Variants in GALNT13 observed in about 807,000 individuals in gnomAD.
The protein encoded by GALNT13 is polypeptide N-acetylgalactosaminyltransferase 13, also known as UDP-GalNAc:polypeptide N-acetylgalactosaminyltransferase 13.
GALNT13 carries 28 observed loss-of-function variants against 64.2 expected under a neutral mutation model. That is an observed-to-expected ratio of 0.44 (90% CI 0.32 to 0.60). The LOEUF (loss-of-function observed/expected upper bound fraction) is 0.60. Ranked by LOEUF, GALNT13 falls within the 20% of genes least tolerant of loss-of-function variation. The pLI, the probability that GALNT13 is intolerant of heterozygous loss-of-function variation, is 0.05. For synonymous variants in GALNT13, 214 were observed against 224.6 expected (o/e 0.95, Z 0.42); for missense variants, 577 against 669.8 (o/e 0.86, Z 1.53).
At chr2:154,042,748 A>G (rs1180269275) in intron 3 of GALNT13, among the ~76,000 whole-genome samples, 2 of 149,388 alleles carry the variant, frequency 1.3e-5, no homozygotes, top group Non-Finnish European at 3.0e-5. Context: ...TATTTATTGA[A>G]TAAATGAATG....
At chr2:154,110,170 A>G (rs1175593510) in intron 3 of GALNT13, among the ~76,000 whole-genome samples, 1 of 150,298 alleles carries the variant, frequency 6.7e-6, no homozygotes, top group Non-Finnish European at 1.5e-5. Flanking sequence ...GTATGTCTTC[A>G]TGATTTTGTC....
chr2:153,628,413 T>C, the GALNT13 span, among the ~76,000 whole-genome samples: 1 of 152,144 alleles, frequency 6.6e-6, no homozygotes. Flanking sequence ...AGGGCATCCC[T>C]GTCTTGTGCC....
chr2:154,387,006 T>C (rs1272175921), intron 9 of GALNT13, among the ~76,000 whole-genome samples: 1 of 152,134 alleles, frequency 6.6e-6, no homozygotes, highest in Non-Finnish European at 1.5e-5. Flanking sequence ...TAAAATTCAT[T>C]ATCTCATTTT....
the GALNT13 span, among the ~76,000 whole-genome samples, chr2:153,665,177 T>C: frequency 6.6e-6 from 1 of 152,212 alleles, no homozygotes; most frequent in African/African-American, 2.4e-5. Flanking sequence ...AGGAGAAGAA[T>C]GTCTAGAATG....
At chr2:153,224,337 G>C in the GALNT13 span, among the ~76,000 whole-genome samples, 5 of 152,088 alleles carry the variant, frequency 3.3e-5, no homozygotes, top group African/African-American at 7.2e-5. Context: ...AGGGGGGAAG[G>C]GGGTGGGGAG....
intron 11 of GALNT13, among the ~76,000 whole-genome samples, chr2:154,411,452 C>T (rs1028749404): frequency 4.6e-5 from 7 of 151,486 alleles, no homozygotes; most frequent in African/African-American, 9.7e-5. Flanking sequence ...GCATGGTATA[C>T]GCACAGTATA....
At chr2:153,608,291 A>T in the GALNT13 span, among the ~76,000 whole-genome samples, 2 of 152,180 alleles carry the variant, frequency 1.3e-5, no homozygotes, top group Non-Finnish European at 2.9e-5. Context: ...GCTTAATATA[A>T]ATCGTGAGGA....
the GALNT13 span, among the ~76,000 whole-genome samples, chr2:153,272,019 T>G: frequency 0.83 from 126,441 of 152,114 alleles, 53,802 homozygotes; most frequent in African/African-American, 0.93. Context: ...AATGGGAAAA[T>G]GATTCCCTAT....
At chr2:154,161,560 C>A (rs1684723565) in intron 4 of GALNT13, among the ~76,000 whole-genome samples, 1 of 152,076 alleles carries the variant, frequency 6.6e-6, no homozygotes, top group Admixed American at 6.6e-5. Flanking sequence ...ATGAGAGTAG[C>A]ATCGGAGAGT....
chr2:153,720,968 A>G, the GALNT13 span, among the ~76,000 whole-genome samples: 47 of 152,260 alleles, frequency 3.1e-4, no homozygotes, highest in African/African-American at 9.1e-4. Context: ...GAACGCCACA[A>G]AGATACTCCT....
the GALNT13 span, among the ~76,000 whole-genome samples, chr2:153,505,413 T>C: frequency 2.0e-5 from 3 of 152,068 alleles, no homozygotes; most frequent in Non-Finnish European, 4.4e-5. Context: ...TTTTCTTCTG[T>C]TGGGTTTGGG....
the GALNT13 span, among the ~76,000 whole-genome samples, chr2:153,432,737 G>A: frequency 0.016 from 2,358 of 151,418 alleles, 68 homozygotes; most frequent in African/African-American, 0.054. Flanking sequence ...GTGGTTGGGG[G>A]GCATTGCAAT....
chr2:153,907,940 G>T (rs1688695242), intron 2 of GALNT13, among the ~76,000 whole-genome samples: 1 of 152,062 alleles, frequency 6.6e-6, no homozygotes, highest in African/African-American at 2.4e-5. Flanking sequence ...GGGATTGCTG[G>T]GTTGAATGGT....
intron 3 of GALNT13, among the ~76,000 whole-genome samples, chr2:154,084,241 T>C (rs1190462004): frequency 6.6e-6 from 1 of 151,890 alleles, no homozygotes; most frequent in East Asian, 1.9e-4. Context: ...ACATTTGTTT[T>C]TCTGGCCATT....
At chr2:153,895,583 A>C (rs532737401) in intron 1 of GALNT13, among the ~76,000 whole-genome samples, 2 of 152,278 alleles carry the variant, frequency 1.3e-5, no homozygotes, top group South Asian at 2.1e-4. Flanking sequence ...ACTAGGGTCA[A>C]GTTGGGGCAT....
At chr2:153,121,065 C>T in the GALNT13 span, among the ~76,000 whole-genome samples, 3 of 152,256 alleles carry the variant, frequency 2.0e-5, no homozygotes, top group African/African-American at 7.2e-5. Flanking sequence ...TGGGCCTCAT[C>T]AGGAGGATAC....
the GALNT13 span, among the ~76,000 whole-genome samples, chr2:153,640,886 T>A: frequency 6.6e-6 from 1 of 152,134 alleles, no homozygotes; most frequent in Non-Finnish European, 1.5e-5. Context: ...TTCTTACTAA[T>A]TCTGGGAAAT....
chr2:153,580,000 A>C, the GALNT13 span, among the ~76,000 whole-genome samples: 1 of 152,298 alleles, frequency 6.6e-6, no homozygotes, highest in African/African-American at 2.4e-5. Flanking sequence ...AATATGGTGA[A>C]TTGCAGCCTA....
intron 3 of GALNT13, among the ~76,000 whole-genome samples, chr2:154,031,254 A>G (rs1171086588): frequency 1.3e-5 from 2 of 152,062 alleles, no homozygotes; most frequent in African/African-American, 2.4e-5. Context: ...TATTAGACAC[A>G]TTTTGAAAAA....
Sources: allele counts gnomAD v4.1 joint callset (sites outside exome capture counted in the v4.1 genomes callset), GRCh38; gene constraint gnomAD v4.1.1; transcripts MANE v1.5; gene names NCBI Gene and HGNC (gene_info 2026-07-23, HGNC 2026-07-21).